Variants in GALNT13 observed in about 807,000 individuals in gnomAD.
GALNT13 encodes the protein UDP-GalNAc:polypeptide N-acetylgalactosaminyltransferase 13.
Under a neutral mutation model 64.2 loss-of-function variants are expected in GALNT13, and 28 were observed. The ratio of observed to expected loss-of-function variants is 0.44; its 90% CI spans 0.32 to 0.60. The LOEUF is 0.60. Among genes scored for constraint, GALNT13 ranks in the 20% least tolerant of loss-of-function variants. The pLI is 0.05. For missense variants in GALNT13, 577 were observed against 669.8 expected (o/e 0.86, Z 1.53); for synonymous variants, 214 against 224.6 (o/e 0.95, Z 0.42).
chr2:153,943,013 T>A (rs1691449414), intron 2 of GALNT13, among the ~76,000 whole-genome samples: 1 of 152,192 alleles, frequency 6.6e-6, no homozygotes, highest in African/African-American at 2.4e-5. Context: ...CTTATCTTAT[T>A]CACATCAATA....
chr2:153,189,613 C>T, the GALNT13 span, among the ~76,000 whole-genome samples: 1 of 152,046 alleles, frequency 6.6e-6, no homozygotes, highest in African/African-American at 2.4e-5. Context: ...TGGATAAATA[C>T]CTGCCAGTGA....
the GALNT13 span, among the ~76,000 whole-genome samples, chr2:153,585,695 A>G: frequency 2.0e-5 from 3 of 152,108 alleles, no homozygotes; most frequent in Non-Finnish European, 4.4e-5. Flanking sequence ...CTGCTCGGTC[A>G]TCTATAAAGG....
rs115401577 is a variant in GALNT13, at chr2:153,872,099, C to T, written c.-381C>T. On this transcript the variant is annotated 5_prime_UTR_variant, in exon 1 of 13. Transcript: ENST00000392825. ...GAGGCTGGAGCCGGCTCCCTCTGCT[C>T]GCGGGCAAGTGTGAAGAGAGAGGCG... is the stretch of plus-strand genomic sequence containing the variant. 15,706 of 151,858 alleles carry T rather than the reference C, an allele frequency of 0.1. 1,007 individuals are homozygous for T. The highest frequency in any genetic ancestry group is 0.17 in the African/African-American group (7,006 of 41,418). 9.4% of individuals were successfully genotyped at this position (151,858 alleles called of 1,614,324 possible).
the GALNT13 span, among the ~76,000 whole-genome samples, chr2:153,237,524 A>G: frequency 3.2e-4 from 49 of 151,972 alleles, 1 homozygote; most frequent in Non-Finnish European, 3.8e-4. Flanking sequence ...GTCTGTCTCT[A>G]TGAGTTCGAT....
At chr2:153,751,987 G>T in the GALNT13 span, among the ~76,000 whole-genome samples, 8 of 150,920 alleles carry the variant, frequency 5.3e-5, no homozygotes, top group East Asian at 1.6e-3. Flanking sequence ...CATTTTTTGT[G>T]TATTCATTGT....
At chr2:154,427,642 C>T (rs547996645) in intron 11 of GALNT13, among the ~76,000 whole-genome samples, 2 of 152,236 alleles carry the variant, frequency 1.3e-5, no homozygotes, top group East Asian at 3.9e-4. Context: ...AAGATGCATA[C>T]CCACATCCTG....
At chr2:153,308,668 G>T in the GALNT13 span, among the ~76,000 whole-genome samples, 1 of 152,166 alleles carries the variant, frequency 6.6e-6, no homozygotes, top group Non-Finnish European at 1.5e-5. Flanking sequence ...GATCAAGCTT[G>T]CAGATGCCTG....
At chr2:153,818,380 C>T in the GALNT13 span, among the ~76,000 whole-genome samples, 1 of 152,160 alleles carries the variant, frequency 6.6e-6, no homozygotes, top group Non-Finnish European at 1.5e-5. Flanking sequence ...GGCCAGATTG[C>T]CCTGACTACC....
the GALNT13 span, among the ~76,000 whole-genome samples, chr2:153,333,515 T>C: frequency 1.3e-5 from 2 of 152,196 alleles, no homozygotes; most frequent in African/African-American, 4.8e-5. Context: ...TTGGTCTTTA[T>C]GCACTATCTT....
At chr2:153,958,485 G>A (rs1355169534) in intron 3 of GALNT13, among the ~76,000 whole-genome samples, 1 of 152,160 alleles carries the variant, frequency 6.6e-6, no homozygotes, top group East Asian at 1.9e-4. Flanking sequence ...ACTTTGTGTC[G>A]AACGCAAATA....
chr2:153,901,043 T>C (rs1688200564), intron 2 of GALNT13, 36 bp downstream of exon 2: 1 of 152,198 alleles, frequency 6.6e-6, no homozygotes, highest in Non-Finnish European at 1.5e-5. Context: ...TCAATTGCAG[T>C]CATGTTCGAT....
the GALNT13 span, among the ~76,000 whole-genome samples, chr2:153,818,268 C>T: frequency 6.6e-6 from 1 of 152,194 alleles, no homozygotes; most frequent in Non-Finnish European, 1.5e-5. Context: ...TGTAGAGTCG[C>T]TGCTCAAGCC....
At chr2:154,137,837 A>C (rs1445775403) in intron 3 of GALNT13, among the ~76,000 whole-genome samples, 1 of 152,052 alleles carries the variant, frequency 6.6e-6, no homozygotes, top group Non-Finnish European at 1.5e-5. Flanking sequence ...ATGCATCCCC[A>C]AATATGCCAC....
At chr2:153,681,723 C>CT in the GALNT13 span, among the ~76,000 whole-genome samples, 3 of 151,818 alleles carry the variant, frequency 2.0e-5, no homozygotes, top group East Asian at 3.9e-4. Context: ...TAAAAACACT[C>CT]TTTTTTATCA....
chr2:153,266,421 A>T, the GALNT13 span, among the ~76,000 whole-genome samples: 5 of 152,132 alleles, frequency 3.3e-5, no homozygotes, highest in Non-Finnish European at 7.3e-5. Flanking sequence ...TCATTTTCAC[A>T]CTGCTATAAG....
At chr2:154,272,469 C>T (rs1691406187) in intron 8 of GALNT13, among the ~76,000 whole-genome samples, 1 of 152,032 alleles carries the variant, frequency 6.6e-6, no homozygotes, top group Non-Finnish European at 1.5e-5. Flanking sequence ...TCTGACCCTT[C>T]TCTGCTCATA....
At chr2:154,036,908 A>T (rs903911114) in intron 3 of GALNT13, among the ~76,000 whole-genome samples, 2 of 151,970 alleles carry the variant, frequency 1.3e-5, no homozygotes, top group African/African-American at 4.8e-5. Context: ...ATCTGTATTT[A>T]AAAAAAATCT....
intron 1 of GALNT13, among the ~76,000 whole-genome samples, chr2:153,888,433 T>G (rs922692458): frequency 1.3e-5 from 2 of 151,978 alleles, no homozygotes; most frequent in Admixed American, 6.6e-5. Flanking sequence ...TTTATCTGTG[T>G]TTAAAAAATG....
the GALNT13 span, among the ~76,000 whole-genome samples, chr2:153,669,887 A>G: frequency 6.7e-6 from 1 of 149,064 alleles, no homozygotes; most frequent in African/African-American, 2.5e-5. Flanking sequence ...CTGGCTCGGC[A>G]GGTCCCTCAT....
Sources: allele counts gnomAD v4.1 joint callset (sites outside exome capture counted in the v4.1 genomes callset), GRCh38; gene constraint gnomAD v4.1.1; transcripts MANE v1.5; gene names NCBI Gene and HGNC (gene_info 2026-07-23, HGNC 2026-07-21).